KLF12: variants seen among roughly 807,000 people sequenced by gnomAD.
KLF12 encodes the protein KLF transcription factor 12.
In KLF12, 9 loss-of-function variants were observed where a neutral mutation model predicts 37.8. The ratio of observed to expected loss-of-function variants is 0.24; its 90% CI spans 0.14 to 0.42. The LOEUF is 0.42. KLF12 is among the 10% of genes least tolerant of loss of function. The pLI is 1.00. For synonymous variants in KLF12, 208 were observed against 202.1 expected (o/e 1.03, Z -0.25); for missense variants, 411 against 516.0 (o/e 0.80, Z 1.97).
chr13:73,853,942 C>A (rs1165580257), intron 3 of KLF12, among the ~76,000 whole-genome samples: 1 of 152,122 alleles, frequency 6.6e-6, no homozygotes, highest in East Asian at 1.9e-4. Flanking sequence ...AATTTTAAAT[C>A]CTACTTATAT....
At chr13:74,017,017 C>T (rs888016435) in intron 1 of KLF12, among the ~76,000 whole-genome samples, 3 of 152,042 alleles carry the variant, frequency 2.0e-5, no homozygotes, top group African/African-American at 7.2e-5. Flanking sequence ...CAAAACAGCA[C>T]ATGTACTCGT....
In KLF12 at chr13:73,948,487, G is replaced by A. The variant is rs1470322341; in HGVS notation, c.34-4417C>T. Among the ~76,000 whole-genome samples, 6 of 152,286 alleles carry A rather than the reference G, an allele frequency of 3.9e-5. No individual in the cohort carries two copies. The South Asian group carries it at 1.0e-3, about 26-fold the overall frequency. On this transcript the variant is annotated intron_variant, in intron 2 of 7. Transcript: ENST00000377669. Reference sequence around the variant, plus strand: ...ATCTGCCTTGGCCTCCCAAAGTGCTGGGAATACAGGCATGAGCCACCAGGA... The same window carrying A: ...ATCTGCCTTGGCCTCCCAAAGTGCTAGGAATACAGGCATGAGCCACCAGGA...
Position 74,034,581 on chromosome 13 carries a change from C to A in KLF12, c.-31-39528G>T, listed in dbSNP as rs150936459. On this transcript the variant is annotated intron_variant, in intron 1 of 7. Transcript: ENST00000377669. The stretch of plus-strand genomic sequence containing the variant: ...TTTGAAGTAGTCAAATTCCAACTTA[C>A]AATTTCTAGATTTGGAGTCACCATT... Among the ~76,000 whole-genome samples the A allele has an allele frequency of 4.6e-5, 7 of 152,342 alleles. No individual in the cohort carries two copies. The South Asian group carries it at 1.5e-3, about 32-fold the overall frequency.
the KLF12 span, among the ~76,000 whole-genome samples, chr13:74,167,002 T>C: frequency 3.3e-5 from 5 of 152,328 alleles, no homozygotes; most frequent in Admixed American, 6.5e-5. Context: ...GAAGCAAGTG[T>C]AGACAAACAA....
chr13:74,077,174 T>C (rs988484167), intron 1 of KLF12, among the ~76,000 whole-genome samples: 1 of 152,210 alleles, frequency 6.6e-6, no homozygotes, highest in African/African-American at 2.4e-5. Context: ...AGTAATCAGA[T>C]TGCTGGATCG....
the KLF12 span, among the ~76,000 whole-genome samples, chr13:74,148,846 A>C: frequency 2.0e-5 from 3 of 151,510 alleles, no homozygotes; most frequent in Non-Finnish European, 2.9e-5. Flanking sequence ...ATGGAGTCTC[A>C]CTCTGTCACC....
At chr13:74,206,600 A>G in the KLF12 span, among the ~76,000 whole-genome samples, 1 of 152,064 alleles carries the variant, frequency 6.6e-6, no homozygotes, top group East Asian at 1.9e-4. Flanking sequence ...TGATCCAGGG[A>G]TTTGCGCTGC....
upstream of KLF12, among the ~76,000 whole-genome samples, chr13:74,138,297 G>C (rs1878617070): frequency 6.6e-6 from 1 of 152,172 alleles, no homozygotes; most frequent in South Asian, 2.1e-4. Flanking sequence ...CTGATTTCCA[G>C]AACTCTGAAC....
chr13:74,003,189 A>C (rs970754546), intron 1 of KLF12, among the ~76,000 whole-genome samples: 2 of 152,216 alleles, frequency 1.3e-5, no homozygotes, highest in Admixed American at 6.5e-5. Context: ...AACGGAGTAT[A>C]GTGGGAAGTG....
intron 3 of KLF12, among the ~76,000 whole-genome samples, chr13:73,873,391 T>C (rs191310795): frequency 1.4e-4 from 21 of 152,320 alleles, no homozygotes; most frequent in Admixed American, 1.2e-3. Flanking sequence ...ACTAGACTGA[T>C]TTTAAAGAGA....
chr13:74,192,175 A>C, the KLF12 span, among the ~76,000 whole-genome samples: 3 of 152,140 alleles, frequency 2.0e-5, no homozygotes, highest in Non-Finnish European at 2.9e-5. Flanking sequence ...TTAAAAAAAA[A>C]TGGAAAATAG....
chr13:74,284,467 C>G, the KLF12 span, among the ~76,000 whole-genome samples: 1 of 152,186 alleles, frequency 6.6e-6, no homozygotes, highest in Non-Finnish European at 1.5e-5. Flanking sequence ...TTGTGCAACA[C>G]AGGACTCCTC....
intron 6 of KLF12, among the ~76,000 whole-genome samples, chr13:73,758,905 T>C (rs1235312796): frequency 1.3e-5 from 2 of 152,142 alleles, no homozygotes; most frequent in Non-Finnish European, 2.9e-5. Flanking sequence ...AGGCCAAAGT[T>C]CTTTCATACG....
At chr13:73,977,528 A>G (rs1891565264) in intron 2 of KLF12, among the ~76,000 whole-genome samples, 1 of 152,222 alleles carries the variant, frequency 6.6e-6, no homozygotes, top group South Asian at 2.1e-4. Context: ...AAAAAGTTAT[A>G]ATGAAATATA....
the KLF12 span, among the ~76,000 whole-genome samples, chr13:74,188,878 T>G: frequency 6.6e-6 from 1 of 152,150 alleles, no homozygotes; most frequent in Non-Finnish European, 1.5e-5. Context: ...GCGCCTGTAA[T>G]CCTAGCTACT....
At chr13:73,793,286 G>A (rs753490856) in intron 5 of KLF12, among the ~76,000 whole-genome samples, 28 of 152,236 alleles carry the variant, frequency 1.8e-4, no homozygotes, top group Admixed American at 1.5e-3. Flanking sequence ...TAATCTGATA[G>A]AACAAATTGA....
At chr13:73,730,945 T>A (rs149828455) in intron 6 of KLF12, among the ~76,000 whole-genome samples, 1 of 152,216 alleles carries the variant, frequency 6.6e-6, no homozygotes, top group East Asian at 1.9e-4. Flanking sequence ...CTGTTTCGTT[T>A]TTTTAGTTTT....
the KLF12 span, among the ~76,000 whole-genome samples, chr13:74,226,092 G>A: frequency 6.6e-6 from 1 of 151,986 alleles, no homozygotes; most frequent in African/African-American, 2.4e-5. Flanking sequence ...CAGATAAATG[G>A]TGGAAATAGC....
the KLF12 span, among the ~76,000 whole-genome samples, chr13:74,294,778 C>T: frequency 1.3e-5 from 2 of 152,138 alleles, no homozygotes; most frequent in Non-Finnish European, 2.9e-5. Flanking sequence ...CTCTCTTCTC[C>T]ATCCCCACAG....
Sources: gnomAD v4.1 joint callset for allele counts (sites outside exome capture counted in the v4.1 genomes callset) on GRCh38, gnomAD v4.1.1 for gene constraint, MANE v1.5 for transcripts, NCBI Gene and HGNC (gene_info 2026-07-23, HGNC 2026-07-21) for gene names.